The following GALNT16 variants were observed in gnomAD, a reference collection of about 807,000 sequenced individuals.
GALNT16 encodes the protein polypeptide N-acetylgalactosaminyltransferase 16.
A neutral mutation model predicts 76.1 loss-of-function variants in GALNT16; 40 were observed. The observed-to-expected ratio is 0.53, with a 90% CI of 0.41 to 0.68. The LOEUF is 0.68. GALNT16 is among the 30% of genes least tolerant of loss of function. The probability of loss-of-function intolerance (pLI) is 0.00; values close to 1 mark genes in which losing one functional copy is unlikely to be tolerated. For missense variants in GALNT16, 621 were observed against 731.9 expected (o/e 0.85, Z 1.75); for synonymous variants, 276 against 285.2 (o/e 0.97, Z 0.32).
chr14:69,338,760 T>A lies in GALNT16; in HGVS notation c.1077T>A (p.Asn359Lys), dbSNP rs2045446322. 2 of 1,613,592 alleles carry A rather than the reference T, an allele frequency of 1.2e-6. No homozygotes were observed. Among genetic ancestry groups the A allele is most frequent in the Non-Finnish European group, 8.5e-7 (1 of 1,179,802 alleles). ...ACCCCTACAACTTCCCTGAGGGTAATGCCCTCACCTACATCAGGTAGGTCA... is the reference window on the plus strand; with the variant it reads ...ACCCCTACAACTTCCCTGAGGGTAAAGCCCTCACCTACATCAGGTAGGTCA... ...KRHPYNFPEG[N>K]ALTYIRNTKR... The change falls in exon 10 of 15, where the codon AAT (asparagine) becomes AAA (lysine). Residue 359 changes from asparagine (N) to lysine (K), a missense_variant. Transcript: ENST00000448469.
Position 69,285,038 on chromosome 14 carries a change from C to CTTTTTTTTTT in GALNT16, c.177+24572_177+24573insTTTTTTTTTT, listed in dbSNP as rs1239622713. On this transcript the variant is annotated intron_variant, in intron 1 of 14. Transcript: ENST00000448469. ...TTTATATGTTACCCAGTCTCGGGCA[C>CTTTTTTTTTT]TCTTTTTTTTTTTTTTTTTTGAGAC... Among the ~76,000 whole-genome samples, 4 of 130,460 alleles carry CTTTTTTTTTT rather than the reference C, an allele frequency of 3.1e-5. 1 individual carries two copies. The highest frequency in any genetic ancestry group is 1.6e-5 in the Non-Finnish European group (1 of 63,094). 85.6% of individuals were successfully genotyped at this position (130,460 alleles called of 152,430 possible).
chr14:69,313,475 G>A (rs1368063897), intron 1 of GALNT16, among the ~76,000 whole-genome samples: 1 of 152,214 alleles, frequency 6.6e-6, no homozygotes, highest in Non-Finnish European at 1.5e-5. Flanking sequence ...GCCTTAGGTA[G>A]AGGACCCTGG....
intron 14 of GALNT16, chr14:69,351,811 C>G (rs1171673235): frequency 6.2e-6 from 3 of 481,244 alleles, no homozygotes; most frequent in Non-Finnish European, 1.1e-5. Flanking sequence ...TACTCAGAGG[C>G]TGAGGCAAGA....
At chr14:69,329,651 C>T (rs138654198) in intron 6 of GALNT16, among the ~76,000 whole-genome samples, 171 of 152,200 alleles carry the variant, frequency 1.1e-3, no homozygotes, top group Non-Finnish European at 1.9e-3. Context: ...AATCGGCTCA[C>T]GTTGTACAAG....
the GALNT16 span, among the ~76,000 whole-genome samples, chr14:69,370,391 G>A: frequency 6.6e-6 from 1 of 152,198 alleles, no homozygotes; most frequent in East Asian, 1.9e-4. Context: ...GTATCCAGGT[G>A]GAGTGGAGCA....
chr14:69,324,638 C>A (rs2045254018), intron 2 of GALNT16, 54 bp from the exon 3 acceptor site: 2 of 972,494 alleles, frequency 2.1e-6, no homozygotes, highest in Non-Finnish European at 3.2e-6. Context: ...AAAACATTGA[C>A]CTGCCCTGAG....
intron 1 of GALNT16, among the ~76,000 whole-genome samples, chr14:69,268,930 A>T (rs974713796): frequency 1.6e-4 from 24 of 152,142 alleles, no homozygotes; most frequent in African/African-American, 5.3e-4. Flanking sequence ...GCAGCAGGAA[A>T]AGTGCCCACA....
rs1239622713 is a variant in GALNT16 at position 69,285,038 on chromosome 14, C to CTTTTTTTTTTTTTTTTTTTTTTTTT, written c.177+24572_177+24573insTTTTTTTTTTTTTTTTTTTTTTTTT. ...TTTATATGTTACCCAGTCTCGGGCA[C>CTTTTTTTTTTTTTTTTTTTTTTTTT]TCTTTTTTTTTTTTTTTTTTGAGAC... On this transcript the variant is annotated intron_variant, in intron 1 of 14. Transcript: ENST00000448469. Among the ~76,000 whole-genome samples, 3 of 130,460 alleles carry CTTTTTTTTTTTTTTTTTTTTTTTTT rather than the reference C, an allele frequency of 2.3e-5. 1 individual carries two copies. The allele number at this position is 130,460 out of a possible 152,430, so 85.6% of individuals were successfully genotyped here.
At chr14:69,312,391 C>A (rs551039187) in intron 1 of GALNT16, among the ~76,000 whole-genome samples, 1 of 152,320 alleles carries the variant, frequency 6.6e-6, no homozygotes, top group Admixed American at 6.5e-5. Flanking sequence ...CCGACCTGGA[C>A]CCCATGTTAG....
At chr14:69,332,948 C>A in intron 7 of GALNT16, 137 bp from the exon 8 acceptor site, 1 of 697,050 alleles carries the variant, frequency 1.4e-6, no homozygotes. Context: ...GAGCTTGGCT[C>A]ATTCCGAATG....
intron 1 of GALNT16, among the ~76,000 whole-genome samples, chr14:69,316,538 G>A (rs1055956126): frequency 6.6e-5 from 10 of 152,204 alleles, no homozygotes; most frequent in African/African-American, 2.4e-4. Context: ...GTCGGGTTGG[G>A]GTCACAGAGT....
intron 5 of GALNT16, among the ~76,000 whole-genome samples, chr14:69,327,379 A>C (rs2045299619): frequency 6.6e-6 from 1 of 152,150 alleles, no homozygotes; most frequent in African/African-American, 2.4e-5. Flanking sequence ...AGAAAGAAAG[A>C]AAGACCAGTC....
At chr14:69,361,211 C>A (rs530660856), downstream of GALNT16, among the ~76,000 whole-genome samples, 22 of 152,190 alleles carry the variant, frequency 1.4e-4, no homozygotes, top group Non-Finnish European at 2.9e-4. Flanking sequence ...CATGGCAAAG[C>A]CCTTTCTATG....
At chr14:69,277,487 C>T (rs1243431155) in intron 1 of GALNT16, among the ~76,000 whole-genome samples, 1 of 152,194 alleles carries the variant, frequency 6.6e-6, no homozygotes, top group Non-Finnish European at 1.5e-5. Context: ...GGTTTTCTGT[C>T]CTTACAATAG....
the GALNT16 span, among the ~76,000 whole-genome samples, chr14:69,375,686 T>C: frequency 6.6e-6 from 1 of 152,348 alleles, no homozygotes; most frequent in South Asian, 2.1e-4. Context: ...CTGTTACCCA[T>C]GCTGGAGTGC....
At chr14:69,283,332 G>C (rs2044568744) in intron 1 of GALNT16, among the ~76,000 whole-genome samples, 1 of 152,224 alleles carries the variant, frequency 6.6e-6, no homozygotes, top group Non-Finnish European at 1.5e-5. Flanking sequence ...CTGGCACTTG[G>C]TGGGCACACA....
At chr14:69,291,130 CA>C (rs1566867000) in intron 1 of GALNT16, among the ~76,000 whole-genome samples, 1 of 152,054 alleles carries the variant, frequency 6.6e-6, no homozygotes, top group Non-Finnish European at 1.5e-5. Flanking sequence ...GTTTCTACGA[CA>C]AATTTTAAAA....
At chr14:69,303,876 T>G (rs1450107148) in intron 1 of GALNT16, among the ~76,000 whole-genome samples, 1 of 152,188 alleles carries the variant, frequency 6.6e-6, no homozygotes, top group East Asian at 1.9e-4. Flanking sequence ...GCAAGATAAA[T>G]GAGAACATCT....
chr14:69,283,517 T>G (rs969324307), intron 1 of GALNT16, among the ~76,000 whole-genome samples: 9 of 152,158 alleles, frequency 5.9e-5, no homozygotes, highest in African/African-American at 2.2e-4. Context: ...CTCAGGCTGG[T>G]GAGGAGCTTT....
Sources: gnomAD v4.1 joint callset for allele counts (sites outside exome capture counted in the v4.1 genomes callset) on GRCh38, gnomAD v4.1.1 for gene constraint, MANE v1.5 for transcripts, NCBI Gene and HGNC (gene_info 2026-07-23, HGNC 2026-07-21) for gene names.